The following CYP39A1 variants were observed in gnomAD, a reference collection of about 807,000 sequenced individuals.
CYP39A1 encodes 24-hydroxycholesterol 7-alpha-hydroxylase.
CYP39A1 carries 49 observed loss-of-function variants against 58.1 expected under a neutral mutation model. The observed-to-expected ratio is 0.84, with a 90% CI of 0.67 to 1.07. The LOEUF is 1.07. Among genes scored for constraint, CYP39A1 ranks in the 50% least tolerant of loss-of-function variants. The probability of loss-of-function intolerance (pLI) is 0.00; values close to 1 mark genes in which losing one functional copy is unlikely to be tolerated. For synonymous variants in CYP39A1, 209 were observed against 187.6 expected, an observed-to-expected ratio of 1.11 and a Z score of -0.93; for missense variants, 531 against 539.4, an observed-to-expected ratio of 0.98 and a Z score of 0.16.
chr6:46,631,709 C>T (rs983306678), intron 5 of CYP39A1, among the ~76,000 whole-genome samples: 1 of 152,166 alleles, frequency 6.6e-6, no homozygotes, highest in African/African-American at 2.4e-5. Flanking sequence ...TTACAAATAC[C>T]ACAATACTCT....
rs747280336 is a variant in CYP39A1, at chr6:46,610,791, C to G, written c.931+14627G>C. On this transcript the variant is annotated intron_variant, in intron 7 of 11. Coordinates refer to ENST00000275016, the MANE Select transcript of CYP39A1 (RefSeq NM_016593.5). ...TATTTTCATATTAAATCTTCCCATC[C>G]AGGAAGGTGATATGCCTTTTTCTTT... Among the ~76,000 whole-genome samples the G allele has an allele frequency of 5.3e-5, 8 of 152,288 alleles. No individual in the cohort carries two copies. In the East Asian group the frequency reaches 9.6e-4, roughly 18 times the overall value.
At chr6:46,550,853 C>T (rs891763475) in intron 11 of CYP39A1, among the ~76,000 whole-genome samples, 1 of 152,066 alleles carries the variant, frequency 6.6e-6, no homozygotes, top group Non-Finnish European at 1.5e-5. Context: ...TGATGTGAGC[C>T]ACTTATAGCG....
At chr6:46,596,216 C>A in intron 7 of CYP39A1, 96 bp from the exon 8 acceptor site, 1 of 877,428 alleles carries the variant, frequency 1.1e-6, no homozygotes, top group Non-Finnish European at 1.7e-6. Context: ...TTGCCTCTGA[C>A]AGCAAGTAAA....
At chr6:46,632,100 C>CT (rs200637010) in intron 5 of CYP39A1, among the ~76,000 whole-genome samples, 253 of 149,926 alleles carry the variant, frequency 1.7e-3, no homozygotes, top group African/African-American at 5.6e-3. Flanking sequence ...ATACTACTAT[C>CT]TTTTTTTTTT....
At position 46,625,368 on chromosome 6, in the gene CYP39A1, G is replaced by T. The variant is rs1775248414; in HGVS notation, c.931+50C>A. ...GTATTTAGCTTTGCCAATAATGTGT[G>T]ACAAACATGCATTATTAGCTGTGTC... is the stretch of plus-strand genomic sequence containing the variant. On this transcript the variant is annotated intron_variant, in intron 7 of 11. Transcript: ENST00000275016. 4 of 1,316,062 alleles carry T rather than the reference G, an allele frequency of 3.0e-6. No individual in the cohort carries two copies. In the South Asian group the frequency reaches 4.3e-5, roughly 14 times the overall value. The allele number at this position is 1,316,062 out of a possible 1,614,324, so 81.5% of individuals were successfully genotyped here.
chr6:46,634,163 A>T (rs1775824036), intron 5 of CYP39A1, among the ~76,000 whole-genome samples: 2 of 152,136 alleles, frequency 1.3e-5, no homozygotes, highest in Admixed American at 1.3e-4. Flanking sequence ...AGGTCTTTCT[A>T]GTGCTGTTCT....
intron 10 of CYP39A1, among the ~76,000 whole-genome samples, chr6:46,576,006 AG>A (rs1177613220): frequency 1.2e-4 from 18 of 152,204 alleles, no homozygotes; most frequent in Admixed American, 1.2e-3. Context: ...CAGGAAACAT[AG>A]TGGCTTCTGA....
chr6:46,603,421 A>C (rs139452051), intron 7 of CYP39A1, among the ~76,000 whole-genome samples: 1 of 152,200 alleles, frequency 6.6e-6, no homozygotes, highest in Non-Finnish European at 1.5e-5. Context: ...CCTCTTTCAC[A>C]TGTAAAATGT....
intron 7 of CYP39A1, among the ~76,000 whole-genome samples, chr6:46,606,437 C>G (rs992460560): frequency 3.9e-5 from 6 of 152,118 alleles, no homozygotes; most frequent in African/African-American, 1.4e-4. Flanking sequence ...TAGCTCCGTA[C>G]CCATACTGTG....
intron 10 of CYP39A1, among the ~76,000 whole-genome samples, chr6:46,567,385 G>A (rs1247332179): frequency 6.6e-6 from 1 of 151,944 alleles, no homozygotes; most frequent in Non-Finnish European, 1.5e-5. Context: ...CAACACTTTG[G>A]TTGTTTTAAT....
intron 10 of CYP39A1, among the ~76,000 whole-genome samples, chr6:46,571,110 C>A (rs1771564784): frequency 6.6e-6 from 1 of 152,108 alleles, no homozygotes; most frequent in Admixed American, 6.6e-5. Flanking sequence ...CTTCAACTTT[C>A]TTAAATTTTT....
intron 11 of CYP39A1, among the ~76,000 whole-genome samples, chr6:46,552,517 C>T (rs1384909527): frequency 6.6e-6 from 1 of 152,140 alleles, no homozygotes; most frequent in Admixed American, 6.5e-5. Flanking sequence ...TGAAATGTCA[C>T]CTAAGAGTTT....
intron 7 of CYP39A1, among the ~76,000 whole-genome samples, chr6:46,618,919 A>G (rs1774784762): frequency 6.6e-6 from 1 of 152,086 alleles, no homozygotes; most frequent in South Asian, 2.1e-4. Flanking sequence ...ACACCCTTCT[A>G]TCTGGCCCAG....
intron 10 of CYP39A1, among the ~76,000 whole-genome samples, chr6:46,565,460 C>A (rs1771223724): frequency 1.3e-5 from 2 of 149,488 alleles, no homozygotes; most frequent in South Asian, 2.1e-4. Flanking sequence ...TAAGGGTAAG[C>A]TGAATGAGAA....
In CYP39A1 at chr6:46,604,291, A is replaced by G. The variant is rs181818959; in HGVS notation, c.932-8171T>C. On this transcript the variant is annotated intron_variant, in intron 7 of 11. Transcript: ENST00000275016. ...CCAATTCTCTTTTCCCATCTCCCCA[A>G]TACAATCACCTTTTCCTGACTTTAC... Among the ~76,000 whole-genome samples, 288 of 152,270 alleles carry G rather than the reference A, an allele frequency of 1.9e-3. 2 individuals carry two copies. The highest frequency in any genetic ancestry group is 2.7e-3 in the Non-Finnish European group (181 of 68,016).
chr6:46,572,457 T>C (rs1771642776), intron 10 of CYP39A1, among the ~76,000 whole-genome samples: 1 of 152,228 alleles, frequency 6.6e-6, no homozygotes, highest in East Asian at 1.9e-4. Context: ...GTTTTCAGAA[T>C]GTTTTTTCTT....
chr6:46,614,298 C>A (rs1169327659), intron 7 of CYP39A1, among the ~76,000 whole-genome samples: 2 of 152,052 alleles, frequency 1.3e-5, no homozygotes, highest in Non-Finnish European at 2.9e-5. Flanking sequence ...TGGCAAACAC[C>A]ACCATTACTT....
At chr6:46,610,433 T>C (rs948174101) in intron 7 of CYP39A1, among the ~76,000 whole-genome samples, 1 of 152,028 alleles carries the variant, frequency 6.6e-6, no homozygotes, top group African/African-American at 2.4e-5. Flanking sequence ...CCTCGAACTC[T>C]TGGGTTCAAG....
chr6:46,611,484 A>T (rs1463787675), intron 7 of CYP39A1, among the ~76,000 whole-genome samples: 4 of 152,334 alleles, frequency 2.6e-5, no homozygotes, highest in African/African-American at 7.2e-5. Context: ...CACATATTAA[A>T]TATCCCAAAT....
Sources: allele counts gnomAD v4.1 joint callset (sites outside exome capture counted in the v4.1 genomes callset), GRCh38; gene constraint gnomAD v4.1.1; transcripts MANE v1.5; gene names NCBI Gene and HGNC (gene_info 2026-07-23, HGNC 2026-07-21).